The following SLC45A1 variants were observed in gnomAD, a reference collection of about 807,000 sequenced individuals.
The protein encoded by SLC45A1 is proton-associated sugar transporter A.
A neutral mutation model predicts 57.6 loss-of-function variants in SLC45A1; 28 were observed. The ratio of observed to expected loss-of-function variants is 0.49; its 90% CI spans 0.36 to 0.67. SLC45A1 has a LOEUF of 0.67. SLC45A1 is among the 30% of genes least tolerant of loss of function. The pLI is 0.00. For missense variants in SLC45A1, 814 were observed against 1,041.5 expected (o/e 0.78, Z 3.01); for synonymous variants, 459 against 471.5 (o/e 0.97, Z 0.34).
Position 8,325,043 on chromosome 1 carries a change from T to G in SLC45A1, c.398-255T>G, listed in dbSNP as rs1345470444. Reference sequence around the variant, plus strand: ...CTGGAAGGTCCTGAAATTTCTTGGATTCCCAAGGAAAGTCGTGGCTGCTTA... The same window carrying G: ...CTGGAAGGTCCTGAAATTTCTTGGAGTCCCAAGGAAAGTCGTGGCTGCTTA... On this transcript the variant is annotated intron_variant, in intron 2 of 8. Transcript: ENST00000471889. This position sits in a 1 kb window ranked among gnomAD's most constrained non-coding sequence, Gnocchi z 6.3. Among the ~76,000 whole-genome samples the G allele has an allele frequency of 6.6e-6, 1 of 152,176 alleles. No homozygotes were observed. Among genetic ancestry groups the G allele is most frequent in the Non-Finnish European group, 1.5e-5 (1 of 68,016 alleles).
chr1:8,342,091 C>T (rs961074667), intron 8 of SLC45A1, among the ~76,000 whole-genome samples: 42 of 152,168 alleles, frequency 2.8e-4, no homozygotes, highest in African/African-American at 9.9e-4. Flanking sequence ...CCTGTAGTCC[C>T]AGCTACTCTG....
chr1:8,329,531 C>T (rs1640305577), intron 4 of SLC45A1, among the ~76,000 whole-genome samples: 1 of 152,232 alleles, frequency 6.6e-6, no homozygotes, highest in Non-Finnish European at 1.5e-5. Context: ...GTAAATCTGC[C>T]CACTGCTGTT....
chr1:8,338,913 C>A (rs570721206), intron 7 of SLC45A1, among the ~76,000 whole-genome samples: 5 of 152,158 alleles, frequency 3.3e-5, no homozygotes, highest in African/African-American at 1.2e-4. Context: ...TGAGGGGCTG[C>A]GGCAAGAAGA....
In SLC45A1 at chr1:8,343,690, G is replaced by T; in HGVS notation, c.1981-57G>T. 6.4e-7 allele frequency: 1 copy of T among 1,559,694 alleles called. No individual in the cohort carries two copies. The highest frequency in any genetic ancestry group is 8.7e-7 in the Non-Finnish European group (1 of 1,149,344). ...TGGGCTCGCAGGACACACCGAGCTC[G>T]GTCACCCCGTGCTGGCCGCGGCGTG... On this transcript the variant is annotated intron_variant, in intron 8 of 8. Transcript: ENST00000471889. The surrounding 1 kb of genome is among the most constrained non-coding windows in gnomAD (Gnocchi z 7.7).
Position 8,338,084 on chromosome 1 carries a change from T to C in SLC45A1, c.1774+92T>C. 12 of 1,196,440 alleles carry C rather than the reference T, an allele frequency of 1.0e-5. No individual in the cohort carries two copies. The South Asian group carries it at 1.4e-4, about 14-fold the overall frequency. 74.1% of individuals were successfully genotyped at this position (1,196,440 alleles called of 1,614,324 possible). On this transcript the variant is annotated intron_variant, in intron 7 of 8. Coordinates refer to ENST00000471889, the MANE Select transcript of SLC45A1 (RefSeq NM_001080397.3). The stretch of plus-strand genomic sequence containing the variant: ...TGAAGGCAGGTTCATGGCCTTACGA[T>C]TGCAGACACCACATCCCAATTTGGG...
intron 5 of SLC45A1, among the ~76,000 whole-genome samples, chr1:8,333,034 C>A (rs557909928): frequency 6.6e-6 from 1 of 152,118 alleles, no homozygotes; most frequent in Non-Finnish European, 1.5e-5. Context: ...CTTCACTCGG[C>A]CGCAGACGCA....
chr1:8,330,675 C>T lies in SLC45A1; in HGVS notation c.1182C>T (p.Ser394=), dbSNP rs759183998. Residue 394 remains serine (S), a synonymous_variant, in exon 5 of 9, where the codon AGC becomes AGT. Transcript: ENST00000471889. The surrounding 1 kb of genome is among the most constrained non-coding windows in gnomAD (Gnocchi z 8.4). ...GHDSYLAIPG[S]VPRPPISVSF... is the part of the protein sequence containing the mutation. ...ACAGCTACCTGGCCATCCCTGGCAGCGTCCCCAGGCCGCCCATCAGCGTCA... is the reference window on the plus strand; with the variant it reads ...ACAGCTACCTGGCCATCCCTGGCAGTGTCCCCAGGCCGCCCATCAGCGTCA... 2.2e-5 allele frequency: 36 copies of T among 1,613,136 alleles called. No homozygotes were observed. The highest frequency in any genetic ancestry group is 2.0e-4 in the Admixed American group (12 of 60,000).
intron 7 of SLC45A1, among the ~76,000 whole-genome samples, chr1:8,338,220 G>T (rs1166817601): frequency 6.6e-6 from 1 of 152,198 alleles, no homozygotes; most frequent in East Asian, 1.9e-4. Context: ...ACGGGGGCAC[G>T]GGTGCTTGTC....
intron 4 of SLC45A1, among the ~76,000 whole-genome samples, chr1:8,329,719 G>A (rs1033214643): frequency 6.6e-6 from 1 of 152,210 alleles, no homozygotes; most frequent in Non-Finnish European, 1.5e-5. Context: ...CAGGGTGTGG[G>A]GAGGCAGGAC....
chr1:8,342,253 A>G (rs1214042400), intron 8 of SLC45A1, among the ~76,000 whole-genome samples: 1 of 152,226 alleles, frequency 6.6e-6, no homozygotes, highest in African/African-American at 2.4e-5. Context: ...ATTTTTGTTG[A>G]TATTTTGCTC....
At chr1:8,342,464 C>T (rs1640856615) in intron 8 of SLC45A1, among the ~76,000 whole-genome samples, 1 of 152,170 alleles carries the variant, frequency 6.6e-6, no homozygotes, top group African/African-American at 2.4e-5. Context: ...TGACCGCTAA[C>T]CTTCTTCCTG....
rs748966290 is a variant in SLC45A1 at position 8,343,906 on chromosome 1, C to T, written c.2140C>T (p.Leu714Phe). Residue 714 changes from leucine (L) to phenylalanine (F), a missense_variant, in exon 9 of 9, where the codon CTC becomes TTC. Leu to Phe is a conservative substitution (Grantham distance 22). Transcript: ENST00000471889. The surrounding 1 kb of genome is among the most constrained non-coding windows in gnomAD (Gnocchi z 7.7). Reference sequence around the variant, plus strand: ...CAACGGGGTGATGTACTTCTCCAGCCTCGTGTCCTTCCTGGGCTGCCTGTA... The same window carrying T: ...CAACGGGGTGATGTACTTCTCCAGCTTCGTGTCCTTCCTGGGCTGCCTGTA... ...SANGVMYFSS[L>F]VSFLGCLYSS... 2 of 1,614,212 alleles carry T rather than the reference C, an allele frequency of 1.2e-6. No individual in the cohort carries two copies. Among genetic ancestry groups the T allele is most frequent in the Non-Finnish European group, 1.7e-6 (2 of 1,180,034 alleles).
chr1:8,330,475 T>G lies in SLC45A1; in HGVS notation c.982T>G (p.Ser328Ala), dbSNP rs987882023. The change falls in exon 5 of 9, where the codon TCG becomes GCG. Residue 328 changes from serine (S) to alanine (A), a missense_variant. Ser to Ala is a moderately conservative substitution (Grantham distance 99). Coordinates refer to ENST00000471889, the MANE Select transcript of SLC45A1 (RefSeq NM_001080397.3). This position sits in a 1 kb window ranked among gnomAD's most constrained non-coding sequence, Gnocchi z 8.4. Reference protein sequence around the residue: ...PEEGPGDSLPSHTATNFSSPI... With the variant: ...PEEGPGDSLPAHTATNFSSPI... ...GGAAGGCCCTGGCGACAGCCTCCCG[T>G]CGCACACGGCCACCAACTTCTCCAG... 1.2e-6 allele frequency: 2 copies of G among 1,612,510 alleles called. No homozygotes were observed. The highest frequency in any genetic ancestry group is 2.7e-5 in the African/African-American group (2 of 74,876).
At chr1:8,331,082 A>C in intron 5 of SLC45A1, 146 bp downstream of exon 5, 2 of 1,115,192 alleles carry the variant, frequency 1.8e-6, no homozygotes, top group Non-Finnish European at 1.2e-6. Flanking sequence ...ACCTAAAGAG[A>C]AAAGCCTTAG....
chr1:8,342,097 C>G (rs1275205616), intron 8 of SLC45A1, among the ~76,000 whole-genome samples: 1 of 152,076 alleles, frequency 6.6e-6, no homozygotes, highest in Admixed American at 6.6e-5. Context: ...GTCCCAGCTA[C>G]TCTGGAGGCT....
chr1:8,318,751 T>G (rs1185552323), intron 1 of SLC45A1, among the ~76,000 whole-genome samples: 2 of 152,154 alleles, frequency 1.3e-5, no homozygotes, highest in Non-Finnish European at 2.9e-5. Context: ...GCCGTGCATG[T>G]TTTTCAGCTC....
chr1:8,322,152 T>A (rs555629852), intron 1 of SLC45A1, among the ~76,000 whole-genome samples: 1 of 123,540 alleles, frequency 8.1e-6, no homozygotes, highest in South Asian at 2.9e-4. Flanking sequence ...GGTGCGTGGG[T>A]CCATAGTTAC....
In SLC45A1 at chr1:8,330,012, A is replaced by G; in HGVS notation, c.716-197A>G. 1.6e-6 allele frequency: 1 copy of G among 636,258 alleles called. No homozygotes were observed. The highest frequency in any genetic ancestry group is 2.0e-5 in the South Asian group (1 of 49,940). 39.4% of individuals were successfully genotyped at this position (636,258 alleles called of 1,614,324 possible). ...GGAAGGGCCCTGCAGGTGGCTGTGC[A>G]GGACAGGAGGGGGACCTCCTCAAGG... is the stretch of plus-strand genomic sequence containing the variant. On this transcript the variant is annotated intron_variant, in intron 4 of 8. Coordinates refer to ENST00000471889, the MANE Select transcript of SLC45A1 (RefSeq NM_001080397.3). This position sits in a 1 kb window ranked among gnomAD's most constrained non-coding sequence, Gnocchi z 8.4.
intron 8 of SLC45A1, 78 bp downstream of exon 8, chr1:8,339,776 T>A: frequency 3.9e-6 from 5 of 1,294,466 alleles, no homozygotes; most frequent in Non-Finnish European, 5.6e-6. Context: ...CAGGACCAGC[T>A]GCACAATCTG....
Sources: allele counts gnomAD v4.1 joint callset (sites outside exome capture counted in the v4.1 genomes callset), GRCh38; gene constraint gnomAD v4.1.1; non-coding constraint Gnocchi (gnomAD v3.1); transcripts MANE v1.5; gene names NCBI Gene and HGNC (gene_info 2026-07-23, HGNC 2026-07-21).